The following PKIG variants were observed in gnomAD, a reference collection of about 807,000 sequenced individuals.
The protein encoded by PKIG is cAMP-dependent protein kinase inhibitor gamma, also known as protein kinase (cAMP-dependent, catalytic) inhibitor gamma.
In PKIG, 1 loss-of-function variant was observed where a neutral mutation model predicts 6.8. That is an observed-to-expected ratio of 0.15 (90% CI 0.05 to 0.69). The LOEUF (loss-of-function observed/expected upper bound fraction) is 0.69, where lower values mean the gene tolerates loss of function less well. PKIG is among the 30% of genes least tolerant of loss of function. The probability of loss-of-function intolerance (pLI) is 0.82; values close to 1 mark genes in which losing one functional copy is unlikely to be tolerated. For synonymous variants in PKIG, 39 were observed against 43.0 expected, an observed-to-expected ratio of 0.91 and a Z score of 0.36; for missense variants, 77 against 104.0, an observed-to-expected ratio of 0.74 and a Z score of 1.13.
chr20:44,618,160 TCCAG>T, intron 3 of PKIG, 121 bp from the exon 4 acceptor site: 1 of 706,352 alleles, frequency 1.4e-6, no homozygotes, highest in Non-Finnish European at 2.6e-6. Flanking sequence ...TCAGTCCAGC[TCCAG>T]CTCGTCTTGC....
At chr20:44,611,765 C>T (rs533337828) in intron 2 of PKIG, among the ~76,000 whole-genome samples, 3 of 152,032 alleles carry the variant, frequency 2.0e-5, no homozygotes, top group Non-Finnish European at 4.4e-5. Flanking sequence ...GTGATCCACC[C>T]GCCTCGGCCT....
At chr20:44,586,483 C>T (rs747013001) in intron 1 of PKIG, among the ~76,000 whole-genome samples, 9 of 152,170 alleles carry the variant, frequency 5.9e-5, no homozygotes, top group Admixed American at 4.6e-4. Flanking sequence ...TGATGCTGAA[C>T]CTCAAATCAG....
chr20:44,596,905 C>T (rs1234958920), intron 2 of PKIG, among the ~76,000 whole-genome samples: 1 of 152,192 alleles, frequency 6.6e-6, no homozygotes, highest in African/African-American at 2.4e-5. Context: ...CCCTCAAGAC[C>T]CTGAAAGTCC....
rs537674823 is a variant in PKIG at position 44,554,067 on chromosome 20, TA to T, written c.-241+22098del. Among the ~76,000 whole-genome samples the T allele has an allele frequency of 1.2e-3, 187 of 149,902 alleles. 3 individuals carry two copies. The South Asian group carries it at 0.037, about 29-fold the overall frequency. ...AGCATTGTAGACCAGTTTATTAATT[TA>T]AAAAAAAATTTTTTTTTTTTTGAGA... On this transcript the variant is annotated intron_variant, in intron 1 of 4. Coordinates refer to the PKIG transcript ENST00000372887.
At chr20:44,589,505 A>G (rs2065017538) in intron 1 of PKIG, among the ~76,000 whole-genome samples, 1 of 152,156 alleles carries the variant, frequency 6.6e-6, no homozygotes, top group East Asian at 1.9e-4. Flanking sequence ...ATATTGATAC[A>G]CCATAATTTA....
chr20:44,531,907 GCGGGCGCTAGGCTGCCC>G (rs1473092715), exon 1 of PKIG: 1 of 152,406 alleles, frequency 6.6e-6, no homozygotes, highest in Admixed American at 6.5e-5. Context: ...GTTGCGGGCT[GCGGGCGCTAGGCTGCCC>G]CGGGGAGGCG....
At chr20:44,562,506 G>A (rs1336931765) in intron 1 of PKIG, among the ~76,000 whole-genome samples, 1 of 151,232 alleles carries the variant, frequency 6.6e-6, no homozygotes, top group Non-Finnish European at 1.5e-5. Context: ...GGATGCTGAG[G>A]TGGGAGGATG....
intron 1 of PKIG, among the ~76,000 whole-genome samples, chr20:44,549,720 G>A (rs139012466): frequency 1.2e-3 from 184 of 152,250 alleles, no homozygotes; most frequent in Middle Eastern, 0.01. Flanking sequence ...AGCTACTTGG[G>A]AGGCTGAGGT....
chr20:44,577,957 C>A (rs972778407), upstream of PKIG, among the ~76,000 whole-genome samples: 2 of 152,112 alleles, frequency 1.3e-5, no homozygotes, highest in Non-Finnish European at 2.9e-5. Context: ...GCGTACAGAT[C>A]TCTCATGAAT....
rs559846553 is a variant in PKIG at position 44,610,500 on chromosome 20, TCACACA to T, written c.-23-4010_-23-4005del. Among the ~76,000 whole-genome samples, 103 of 135,420 alleles carry T rather than the reference TCACACA, an allele frequency of 7.6e-4. 1 individual carries two copies. Among genetic ancestry groups the T allele is most frequent in the Admixed American group, 3.0e-3 (41 of 13,540 alleles). 88.8% of individuals were successfully genotyped at this position (135,420 alleles called of 152,430 possible). On this transcript the variant is annotated intron_variant, in intron 2 of 3. Coordinates refer to ENST00000372886, the MANE Select transcript of PKIG (RefSeq NM_001281445.2). ...TCTCTCTCTCTTCTCTCTCTCTCTC[TCACACA>T]CACACACACACACACACACACACCT...
At chr20:44,601,381 T>C (rs1449524499) in intron 2 of PKIG, among the ~76,000 whole-genome samples, 3 of 152,246 alleles carry the variant, frequency 2.0e-5, no homozygotes, top group African/African-American at 7.2e-5. Context: ...CTGGTGACCT[T>C]GTGCTGGATG....
At chr20:44,587,880 G>A (rs183775561) in intron 1 of PKIG, among the ~76,000 whole-genome samples, 1 of 152,336 alleles carries the variant, frequency 6.6e-6, no homozygotes, top group East Asian at 1.9e-4. Flanking sequence ...GTTAGAGCCT[G>A]CGGCCATCAT....
intron 1 of PKIG, among the ~76,000 whole-genome samples, chr20:44,552,076 T>G (rs2064673714): frequency 6.6e-6 from 1 of 152,242 alleles, no homozygotes. Flanking sequence ...TTCTTCTAGC[T>G]TTATTTCTCC....
chr20:44,538,527 A>G (rs150110386), intron 1 of PKIG, among the ~76,000 whole-genome samples: 1 of 152,308 alleles, frequency 6.6e-6, no homozygotes, highest in Non-Finnish European at 1.5e-5. Flanking sequence ...TTGCCAACAT[A>G]TGGTCACTTT....
At chr20:44,567,157 C>T (rs1390567607) in intron 1 of PKIG, among the ~76,000 whole-genome samples, 6 of 152,236 alleles carry the variant, frequency 3.9e-5, no homozygotes, top group Non-Finnish European at 7.3e-5. Context: ...CCTAGTGCTA[C>T]CTAGATGGCA....
chr20:44,540,971 G>C (rs959876367), intron 1 of PKIG, among the ~76,000 whole-genome samples: 3 of 152,202 alleles, frequency 2.0e-5, no homozygotes, highest in African/African-American at 7.2e-5. Flanking sequence ...GTAGGGCCTC[G>C]TCAGTATTAG....
chr20:44,534,990 T>A (rs536591102), intron 1 of PKIG, among the ~76,000 whole-genome samples: 4 of 152,238 alleles, frequency 2.6e-5, no homozygotes, highest in African/African-American at 9.6e-5. Context: ...CTGAGAAAAT[T>A]CAAGAGAATT....
At chr20:44,578,743 A>G (rs539333921), upstream of PKIG, among the ~76,000 whole-genome samples, 34 of 152,342 alleles carry the variant, frequency 2.2e-4, no homozygotes, top group South Asian at 1.7e-3. Context: ...CCTTTATAGC[A>G]GTGCAAACGG....
intron 3 of PKIG, among the ~76,000 whole-genome samples, chr20:44,616,700 G>A (rs559615124): frequency 1.1e-4 from 16 of 152,340 alleles, no homozygotes; most frequent in East Asian, 3.9e-4. Flanking sequence ...TCACGGTGGC[G>A]TCCAGGCAAG....
Sources: gnomAD v4.1 joint callset for allele counts (sites outside exome capture counted in the v4.1 genomes callset) on GRCh38, gnomAD v4.1.1 for gene constraint, MANE v1.5 for transcripts, NCBI Gene and HGNC (gene_info 2026-07-23, HGNC 2026-07-21) for gene names.